The following GTF2H1 variants were observed in gnomAD, a reference collection of about 807,000 sequenced individuals.
GTF2H1 encodes general transcription factor IIH subunit 1.
In GTF2H1, 16 loss-of-function variants were observed where a neutral mutation model predicts 71.2. That is an observed-to-expected ratio of 0.22 (90% CI 0.15 to 0.34). GTF2H1 has a LOEUF of 0.34. GTF2H1 is among the 10% of genes least tolerant of loss of function. The pLI, the probability that GTF2H1 is intolerant of heterozygous loss-of-function variation, is 1.00. For missense variants in GTF2H1, 498 were observed against 648.2 expected (o/e 0.77, Z 2.52); for synonymous variants, 215 against 219.0 (o/e 0.98, Z 0.16).
At chr11:18,350,678 G>A (rs1219373866) in intron 9 of GTF2H1, among the ~76,000 whole-genome samples, 4 of 152,294 alleles carry the variant, frequency 2.6e-5, no homozygotes, top group East Asian at 3.9e-4. Context: ...TCAGATTGAC[G>A]TTTTTTGAGG....
In GTF2H1 at chr11:18,365,960, C is replaced by G; in HGVS notation, c.*91C>G. 1.2e-6 allele frequency: 1 copy of G among 813,540 alleles called. No homozygotes were observed. Among genetic ancestry groups the G allele is most frequent in the Non-Finnish European group, 2.1e-6 (1 of 477,810 alleles). The allele number at this position is 813,540 out of a possible 1,614,324, so 50.4% of individuals were successfully genotyped here. A position where few individuals can be genotyped will look rare whatever the true frequency, so the allele number is the denominator to read the frequency against. On this transcript the variant is annotated 3_prime_UTR_variant, in exon 15 of 15. Transcript: ENST00000265963. ...CCTGGCCTGACAGACAAGCAGATGA[C>G]CTCACAGGAGTGATAAGAAACATCT...
intron 9 of GTF2H1, chr11:18,348,169 C>T (rs1865341818): frequency 1.7e-6 from 1 of 575,718 alleles, no homozygotes; most frequent in Non-Finnish European, 3.1e-6. Flanking sequence ...GTTTTCCTCA[C>T]ATGTACACAT....
intron 3 of GTF2H1, among the ~76,000 whole-genome samples, chr11:18,337,728 T>C (rs1467182832): frequency 6.6e-6 from 1 of 152,186 alleles, no homozygotes; most frequent in Non-Finnish European, 1.5e-5. Context: ...TGGGAGGATA[T>C]GTATAGGTTG....
chr11:18,365,302 TGTGAG>T (rs908731289), intron 14 of GTF2H1, among the ~76,000 whole-genome samples: 7 of 152,138 alleles, frequency 4.6e-5, no homozygotes, highest in Middle Eastern at 3.4e-3. Context: ...TGCTTGGACC[TGTGAG>T]GTGGAGGCTG....
intron 1 of GTF2H1, among the ~76,000 whole-genome samples, chr11:18,323,015 G>A (rs147803828): frequency 2.4e-4 from 36 of 152,292 alleles, no homozygotes; most frequent in African/African-American, 7.9e-4. Context: ...TGAAGTGGAG[G>A]CCTCTCCCAG....
chr11:18,352,017 CA>C (rs750858031), intron 10 of GTF2H1, 48 bp downstream of exon 10: 1 of 899,592 alleles, frequency 1.1e-6, no homozygotes. Flanking sequence ...CAATTCAGTC[CA>C]AAATATATCC....
chr11:18,323,202 A>G (rs1398398068), intron 1 of GTF2H1, among the ~76,000 whole-genome samples: 1 of 152,196 alleles, frequency 6.6e-6, no homozygotes, highest in African/African-American at 2.4e-5. Flanking sequence ...ATTGTCGTGT[A>G]ATGATGAAAA....
At position 18,355,467 on chromosome 11, in the gene GTF2H1, A is replaced by G. The variant is rs545317087; in HGVS notation, c.1261-2485A>G. Among the ~76,000 whole-genome samples, 19 of 150,270 alleles carry G rather than the reference A, an allele frequency of 1.3e-4. No individual in the cohort carries two copies. In the South Asian group the frequency reaches 4.0e-3, roughly 32 times the overall value. The stretch of plus-strand genomic sequence containing the variant: ...CTTTTTTCTTTTTATTAACCAAGGT[A>G]CAACTTAACATACAGTAAAATAAAT... On this transcript the variant is annotated intron_variant, in intron 11 of 14. Coordinates refer to ENST00000265963, the MANE Select transcript of GTF2H1 (RefSeq NM_005316.4).
chr11:18,347,910 A>C lies in GTF2H1; in HGVS notation c.1044A>C (p.Ala348=). The change falls in exon 9 of 15, where the codon GCA becomes GCC. Residue 348 remains alanine (A), a synonymous_variant. Coordinates refer to ENST00000265963, the MANE Select transcript of GTF2H1 (RefSeq NM_005316.4). ...NSGDADCFQP[A]VKRAKLQESI... ...GAGATGCAGACTGCTTTCAGCCAGC[A>C]GTCAAAAGGGTATGGGCAAAAAAAT... The C allele has an allele frequency of 6.2e-7, 1 of 1,612,578 alleles. No individual in the cohort carries two copies. Among genetic ancestry groups the C allele is most frequent in the Non-Finnish European group, 8.5e-7 (1 of 1,178,522 alleles).
At chr11:18,338,970 C>G (rs1443204952) in intron 4 of GTF2H1, among the ~76,000 whole-genome samples, 1 of 151,836 alleles carries the variant, frequency 6.6e-6, no homozygotes, top group African/African-American at 2.4e-5. Flanking sequence ...ATTTTACTTA[C>G]AATACAAGGT....
At chr11:18,333,456 C>A in intron 2 of GTF2H1, 7 of 327,056 alleles carry the variant, frequency 2.1e-5, no homozygotes, top group Non-Finnish European at 3.9e-5. Flanking sequence ...ATATAGATCT[C>A]CACACACTTT....
At chr11:18,339,705 C>G (rs1332284217) in intron 5 of GTF2H1, 48 bp downstream of exon 5, 8 of 1,058,168 alleles carry the variant, frequency 7.6e-6, no homozygotes, top group Admixed American at 2.0e-5. Context: ...TGGATATATT[C>G]TATAGTATAT....
At chr11:18,361,668 C>T (rs1227407109) in intron 14 of GTF2H1, among the ~76,000 whole-genome samples, 1 of 152,082 alleles carries the variant, frequency 6.6e-6, no homozygotes, top group African/African-American at 2.4e-5. Context: ...GACTCTGTCT[C>T]AAAAAGTTTT....
At chr11:18,363,915 A>T (rs1046726396) in intron 14 of GTF2H1, among the ~76,000 whole-genome samples, 1 of 152,138 alleles carries the variant, frequency 6.6e-6, no homozygotes, top group African/African-American at 2.4e-5. Flanking sequence ...TCTACTAAAA[A>T]TACAAAAAAT....
At chr11:18,345,796 G>GCCTTTTTTT (rs1554955088) in intron 7 of GTF2H1, among the ~76,000 whole-genome samples, 1 of 125,216 alleles carries the variant, frequency 8.0e-6, no homozygotes, top group African/African-American at 3.0e-5. Flanking sequence ...GCACATATGA[G>GCCTTTTTTT]TTTTTTTTTT....
At chr11:18,356,761 A>AT (rs1249316516) in intron 11 of GTF2H1, among the ~76,000 whole-genome samples, 4 of 140,148 alleles carry the variant, frequency 2.9e-5, no homozygotes, top group Non-Finnish European at 6.2e-5. Context: ...TCCCCATGTA[A>AT]TTTTTTTACA....
intron 13 of GTF2H1, among the ~76,000 whole-genome samples, chr11:18,359,214 T>TA (rs1462702234): frequency 1.3e-5 from 2 of 152,138 alleles, no homozygotes; most frequent in African/African-American, 2.4e-5. Flanking sequence ...TGCTCACACT[T>TA]ACCAGTATGC....
chr11:18,361,429 G>A (rs1427842849), intron 14 of GTF2H1, among the ~76,000 whole-genome samples: 4 of 152,094 alleles, frequency 2.6e-5, no homozygotes, highest in African/African-American at 9.7e-5. Context: ...CACATTGAGA[G>A]GCCAAGGCAG....
intron 1 of GTF2H1, among the ~76,000 whole-genome samples, chr11:18,331,414 C>T (rs1048419842): frequency 1.3e-5 from 2 of 152,054 alleles, no homozygotes; most frequent in African/African-American, 4.8e-5. Flanking sequence ...CACCTGTAAT[C>T]CCAGCACTTT....
Sources: gnomAD v4.1 joint callset for allele counts (sites outside exome capture counted in the v4.1 genomes callset) on GRCh38, gnomAD v4.1.1 for gene constraint, MANE v1.5 for transcripts, NCBI Gene and HGNC (gene_info 2026-07-23, HGNC 2026-07-21) for gene names.